RBFOX1: variants seen among roughly 807,000 people sequenced by gnomAD.
RBFOX1 encodes the protein RNA binding fox-1 homolog 1.
RBFOX1 carries 8 observed loss-of-function variants against 57.7 expected under a neutral mutation model. The ratio of observed to expected loss-of-function variants is 0.14; its 90% CI spans 0.08 to 0.25. The LOEUF (loss-of-function observed/expected upper bound fraction) is 0.25, where lower values mean the gene tolerates loss of function less well. Ranked by LOEUF, RBFOX1 falls within the 10% of genes least tolerant of loss-of-function variation. RBFOX1 has a pLI of 1.00. For missense variants in RBFOX1, 611 were observed against 548.5 expected (o/e 1.11, Z -1.14); for synonymous variants, 326 against 222.4 (o/e 1.47, Z -4.15).
intron 1 of RBFOX1, among the ~76,000 whole-genome samples, chr16:6,246,156 C>G (rs973274452): frequency 3.3e-5 from 5 of 152,138 alleles, no homozygotes; most frequent in East Asian, 3.9e-4. Flanking sequence ...AGATCCTCAT[C>G]ATGGTGGCTC....
At chr16:6,548,940 G>C (rs1028590645) in intron 2 of RBFOX1, among the ~76,000 whole-genome samples, 6 of 151,074 alleles carry the variant, frequency 4.0e-5, no homozygotes, top group African/African-American at 1.5e-4. Flanking sequence ...GCTGGGCATG[G>C]TGGCGGCGCC....
At chr16:5,580,556 C>A (rs929278306) in intron 2 of RBFOX1, among the ~76,000 whole-genome samples, 1 of 152,204 alleles carries the variant, frequency 6.6e-6, no homozygotes, top group Non-Finnish European at 1.5e-5. Context: ...GAGGTGCCAG[C>A]TCCAGCTGGT....
chr16:5,366,948 T>C (rs1214762766), intron 1 of RBFOX1, among the ~76,000 whole-genome samples: 1 of 152,188 alleles, frequency 6.6e-6, no homozygotes, highest in South Asian at 2.1e-4. Context: ...TGGTCAGACA[T>C]GGAAATGATG....
chr16:6,343,819 C>G (rs1352953985), intron 2 of RBFOX1, among the ~76,000 whole-genome samples: 3 of 152,082 alleles, frequency 2.0e-5, no homozygotes, highest in Non-Finnish European at 4.4e-5. Flanking sequence ...GCATAATATT[C>G]CCTTTGGATT....
intron 1 of RBFOX1, among the ~76,000 whole-genome samples, chr16:6,298,568 T>A (rs1345761652): frequency 6.6e-6 from 1 of 152,218 alleles, no homozygotes; most frequent in Non-Finnish European, 1.5e-5. Flanking sequence ...TGCCTGAACT[T>A]TGCCTTTAGC....
intron 1 of RBFOX1, among the ~76,000 whole-genome samples, chr16:6,239,579 T>A (rs11641160): frequency 0.22 from 29,659 of 137,160 alleles, 3,574 homozygotes; most frequent in African/African-American, 0.36. Flanking sequence ...GCTTACTGCA[T>A]CCTCCGCCAC....
At chr16:6,390,473 T>G (rs2092544956) in intron 2 of RBFOX1, among the ~76,000 whole-genome samples, 1 of 152,116 alleles carries the variant, frequency 6.6e-6, no homozygotes, top group Non-Finnish European at 1.5e-5. Context: ...GGCACTGTGT[T>G]TGTTTCTGGG....
At chr16:6,651,061 C>T (rs1016747341) in intron 2 of RBFOX1, among the ~76,000 whole-genome samples, 1 of 152,176 alleles carries the variant, frequency 6.6e-6, no homozygotes, top group African/African-American at 2.4e-5. Flanking sequence ...CACCAACAAG[C>T]CCAGCTAATT....
chr16:5,286,336 T>G (rs4110170), intron 1 of RBFOX1, among the ~76,000 whole-genome samples: 127,182 of 151,864 alleles, frequency 0.84, 53,485 homozygotes, highest in East Asian at 0.99. Context: ...GTGTGTGGCA[T>G]TCTGATCTCT....
chr16:5,643,443 C>T (rs931314818), intron 3 of RBFOX1, among the ~76,000 whole-genome samples: 19 of 152,260 alleles, frequency 1.2e-4, no homozygotes, highest in Middle Eastern at 3.4e-3. Context: ...GACAAGGTTT[C>T]CTGATACATA....
chr16:7,071,598 TG>T (rs2057353500), intron 4 of RBFOX1, among the ~76,000 whole-genome samples: 2 of 150,952 alleles, frequency 1.3e-5, no homozygotes, highest in Non-Finnish European at 2.9e-5. Context: ...TGTGTGTGTG[TG>T]TGTGTGTGTG....
At chr16:6,470,100 G>A (rs552149846) in intron 2 of RBFOX1, among the ~76,000 whole-genome samples, 1 of 152,278 alleles carries the variant, frequency 6.6e-6, no homozygotes, top group East Asian at 1.9e-4. Flanking sequence ...CTTTGCCACT[G>A]TATCCTCATT....
intron 3 of RBFOX1, among the ~76,000 whole-genome samples, chr16:5,809,367 G>GGC (rs2055341175): frequency 6.6e-6 from 1 of 152,112 alleles, no homozygotes; most frequent in Non-Finnish European, 1.5e-5. Flanking sequence ...AAAAGAAACT[G>GGC]CTATCAGAGT....
chr16:6,501,300 C>T (rs1306337464), intron 2 of RBFOX1, among the ~76,000 whole-genome samples: 2 of 121,614 alleles, frequency 1.6e-5, no homozygotes, highest in African/African-American at 6.2e-5. Context: ...CTCCCCCCAC[C>T]CCACAACAGT....
At chr16:7,129,663 G>T (rs73542985) in intron 4 of RBFOX1, among the ~76,000 whole-genome samples, 4,633 of 152,148 alleles carry the variant, frequency 0.03, 235 homozygotes, top group African/African-American at 0.11. Flanking sequence ...TAGGAAGAGG[G>T]GCCTTGCAGA....
At chr16:7,244,276 C>T (rs184471541) in intron 4 of RBFOX1, among the ~76,000 whole-genome samples, 4,164 of 145,582 alleles carry the variant, frequency 0.029, 92 homozygotes, top group Non-Finnish European at 0.043. Context: ...AAAAAACACC[C>T]TTGGGCTTTT....
intron 3 of RBFOX1, among the ~76,000 whole-genome samples, chr16:5,653,542 A>C (rs2049321067): frequency 6.6e-6 from 1 of 151,970 alleles, no homozygotes; most frequent in Non-Finnish European, 1.5e-5. Flanking sequence ...TTTGTGCAGA[A>C]GGTGGGGTGC....
intron 1 of RBFOX1, among the ~76,000 whole-genome samples, chr16:6,062,151 C>T (rs1023747774): frequency 3.3e-5 from 5 of 152,148 alleles, no homozygotes; most frequent in African/African-American, 1.2e-4. Context: ...GCTTCCTTGC[C>T]GTCTCTGGGT....
intron 4 of RBFOX1, among the ~76,000 whole-genome samples, chr16:7,189,262 A>C (rs1002811683): frequency 2.0e-5 from 3 of 151,654 alleles, no homozygotes; most frequent in African/African-American, 2.4e-5. Flanking sequence ...CATCTCTACT[A>C]AAAATACAAA....
Sources: allele counts gnomAD v4.1 joint callset (sites outside exome capture counted in the v4.1 genomes callset), GRCh38; gene constraint gnomAD v4.1.1; transcripts MANE v1.5; gene names NCBI Gene and HGNC (gene_info 2026-07-23, HGNC 2026-07-21).